Variants in BAZ2B observed in about 807,000 individuals in gnomAD.
The protein encoded by BAZ2B is bromodomain adjacent to zinc finger domain protein 2B.
In BAZ2B, 91 loss-of-function variants were observed where a neutral mutation model predicts 246.0. The observed-to-expected ratio is 0.37, with a 90% CI of 0.31 to 0.44. The LOEUF (loss-of-function observed/expected upper bound fraction) is 0.44. Among genes scored for constraint, BAZ2B ranks in the 20% least tolerant of loss-of-function variants. The pLI is 1.00. For missense variants in BAZ2B, 2,332 were observed against 2,533.7 expected (o/e 0.92, Z 1.71); for synonymous variants, 855 against 860.0 (o/e 0.99, Z 0.10).
intron 27 of BAZ2B, among the ~76,000 whole-genome samples, chr2:159,365,749 C>T (rs145179129): frequency 7.2e-4 from 110 of 152,320 alleles, no homozygotes; most frequent in Admixed American, 2.9e-3. Context: ...CTCCTGCTTT[C>T]ATGTGGAACT....
intron 1 of BAZ2B, chr2:159,615,755 CTG>C (rs1695908110): frequency 6.6e-6 from 1 of 152,242 alleles, no homozygotes; most frequent in Admixed American, 6.5e-5. Context: ...AGAAGCAAAA[CTG>C]TTGGCGGCGA....
intron 2 of BAZ2B, among the ~76,000 whole-genome samples, chr2:159,511,565 A>G (rs965137943): frequency 6.6e-6 from 1 of 152,174 alleles, no homozygotes; most frequent in Non-Finnish European, 1.5e-5. Context: ...AATTATTTAA[A>G]AATAGGCAAT....
At chr2:159,448,018 G>T (rs1278997074) in intron 5 of BAZ2B, among the ~76,000 whole-genome samples, 1 of 152,000 alleles carries the variant, frequency 6.6e-6, no homozygotes, top group African/African-American at 2.4e-5. Flanking sequence ...GTAGTCCTTG[G>T]GAGGCTGAGG....
In BAZ2B at chr2:159,350,087, C is replaced by T; in HGVS notation, c.4484G>A (p.Gly1495Glu). 1 of 1,614,090 alleles carries T rather than the reference C, an allele frequency of 6.2e-7. No individual in the cohort carries two copies. The highest frequency in any genetic ancestry group is 8.5e-7 in the Non-Finnish European group (1 of 1,180,016). ...ACTGTTCTGATAAGACAACGTGCAC[C>T]CATTTGCACCAGCATTTGGTTTGGG... ...MTPKPNAGAN[G>E]CTLSYQNSGK... Residue 1495 changes from glycine to glutamate, a missense_variant, in exon 28 of 37, where the codon GGG becomes GAG. Physicochemically the swap from Gly to Glu is moderately conservative, Grantham distance 98. Coordinates refer to ENST00000392783, the MANE Select transcript of BAZ2B (RefSeq NM_013450.4).
At chr2:159,595,944 G>A (rs115524221) in intron 1 of BAZ2B, among the ~76,000 whole-genome samples, 31 of 152,224 alleles carry the variant, frequency 2.0e-4, no homozygotes, top group Admixed American at 1.7e-3. Context: ...ACTTGGCTAC[G>A]CTGGAGTCTC....
At chr2:159,665,095 T>C in the BAZ2B span, among the ~76,000 whole-genome samples, 1 of 128,704 alleles carries the variant, frequency 7.8e-6, no homozygotes, top group Non-Finnish European at 1.6e-5. Flanking sequence ...TGAACTCCCA[T>C]TCACAATTGC....
chr2:159,316,244 CCTCAATTATTTGA>C (rs2062099492), downstream of BAZ2B, among the ~76,000 whole-genome samples: 2 of 152,136 alleles, frequency 1.3e-5, no homozygotes, highest in South Asian at 4.2e-4. Flanking sequence ...AAATTAATTA[CCTCAATTATTTGA>C]GGTTTAAAAA....
At chr2:159,535,030 A>G (rs2085799080) in intron 2 of BAZ2B, among the ~76,000 whole-genome samples, 2 of 149,278 alleles carry the variant, frequency 1.3e-5, no homozygotes, top group African/African-American at 2.6e-5. Flanking sequence ...AAGTATGCCA[A>G]TAATAAATAA....
At chr2:159,320,705 T>C (rs546306418) in intron 36 of BAZ2B, among the ~76,000 whole-genome samples, 36 of 152,318 alleles carry the variant, frequency 2.4e-4, no homozygotes, top group African/African-American at 7.5e-4. Context: ...CTGTTTGACC[T>C]GTATCACACA....
chr2:159,611,505 T>C (rs1406006518), intron 1 of BAZ2B, among the ~76,000 whole-genome samples: 1 of 151,934 alleles, frequency 6.6e-6, no homozygotes, highest in African/African-American at 2.4e-5. Context: ...GTACAACCTA[T>C]TTAAAAGGAA....
intron 3 of BAZ2B, among the ~76,000 whole-genome samples, chr2:159,467,161 G>T (rs2077165488): frequency 6.6e-6 from 1 of 152,170 alleles, no homozygotes; most frequent in Admixed American, 6.5e-5. Context: ...TAAGGGGTCA[G>T]AATGAGAACA....
At chr2:159,638,342 T>G in the BAZ2B span, among the ~76,000 whole-genome samples, 2 of 152,280 alleles carry the variant, frequency 1.3e-5, no homozygotes, top group South Asian at 2.1e-4. Context: ...CAGACACTGA[T>G]GAACATCTAT....
At chr2:159,613,453 A>G (rs1695127148) in intron 1 of BAZ2B, among the ~76,000 whole-genome samples, 1 of 57,258 alleles carries the variant, frequency 1.7e-5, no homozygotes, top group Non-Finnish European at 4.6e-5. Context: ...ATACAATCTG[A>G]TTTTCTAAAA....
At chr2:159,665,052 C>T in the BAZ2B span, among the ~76,000 whole-genome samples, 2 of 143,374 alleles carry the variant, frequency 1.4e-5, no homozygotes, top group Non-Finnish European at 3.1e-5. Flanking sequence ...TCTTATACAC[C>T]AACAACAGAC....
intron 2 of BAZ2B, among the ~76,000 whole-genome samples, chr2:159,546,710 A>G (rs755943273): frequency 2.8e-4 from 43 of 151,948 alleles, no homozygotes; most frequent in Non-Finnish European, 4.9e-4. Flanking sequence ...GGCATACCAC[A>G]TGATCTAAGA....
At chr2:159,675,378 T>C in the BAZ2B span, among the ~76,000 whole-genome samples, 4 of 151,934 alleles carry the variant, frequency 2.6e-5, no homozygotes, top group African/African-American at 4.8e-5. Context: ...GAATCATAGA[T>C]AGGAAAAATT....
intron 25 of BAZ2B, among the ~76,000 whole-genome samples, chr2:159,381,490 T>G (rs529571957): frequency 6.6e-6 from 1 of 152,242 alleles, no homozygotes; most frequent in African/African-American, 2.4e-5. Context: ...ATAGTCTACC[T>G]TCCATCTTCA....
Position 159,368,858 on chromosome 2 carries a change from T to TAA in BAZ2B, c.4213+4185_4213+4186dup, listed in dbSNP as rs58161936. ...TCAATCAATGATAATCTGAAAGGCC[T>TAA]AAAAAAAAAAAAAAAAAAAAAAAAA... On this transcript the variant is annotated intron_variant, in intron 27 of 36. Coordinates refer to ENST00000392783, the MANE Select transcript of BAZ2B (RefSeq NM_013450.4). Among the ~76,000 whole-genome samples, 187 of 123,800 alleles carry TAA rather than the reference T, an allele frequency of 1.5e-3. 1 individual carries two copies. Among genetic ancestry groups the TAA allele is most frequent in the African/African-American group, 5.0e-3 (148 of 29,420 alleles). The allele number at this position is 123,800 out of a possible 152,430, so 81.2% of individuals were successfully genotyped here.
chr2:159,411,966 T>C, intron 14 of BAZ2B: 2 of 985,438 alleles, frequency 2.0e-6, no homozygotes, highest in Non-Finnish European at 2.4e-6. Context: ...TTTGGAGTTA[T>C]TCCCATGTAC....
Sources: allele counts gnomAD v4.1 joint callset (sites outside exome capture counted in the v4.1 genomes callset), GRCh38; gene constraint gnomAD v4.1.1; transcripts MANE v1.5; gene names NCBI Gene and HGNC (gene_info 2026-07-23, HGNC 2026-07-21).